MORC1: variants seen among roughly 807,000 people sequenced by gnomAD.
MORC1 encodes MORC family CW-type zinc finger 1.
A neutral mutation model predicts 134.9 loss-of-function variants in MORC1; 59 were observed. That is an observed-to-expected ratio of 0.44 (90% CI 0.35 to 0.54). The LOEUF (loss-of-function observed/expected upper bound fraction) is 0.54. Ranked by LOEUF, MORC1 falls within the 20% of genes least tolerant of loss-of-function variation. MORC1 has a pLI of 0.00. For missense variants in MORC1, 947 were observed against 1,134.5 expected, an observed-to-expected ratio of 0.83 and a Z score of 2.37; for synonymous variants, 395 against 391.7, an observed-to-expected ratio of 1.01 and a Z score of -0.10.
intron 8 of MORC1, among the ~76,000 whole-genome samples, chr3:109,072,291 T>A (rs551980196): frequency 2.6e-5 from 4 of 152,174 alleles, no homozygotes; most frequent in Non-Finnish European, 4.4e-5. Flanking sequence ...AAGGCTGGCA[T>A]ATTCAGTTCT....
At chr3:108,987,619 A>C (rs1288031433) in intron 21 of MORC1, among the ~76,000 whole-genome samples, 1 of 151,792 alleles carries the variant, frequency 6.6e-6, no homozygotes, top group African/African-American at 2.4e-5. Flanking sequence ...TGCGATTGGG[A>C]GGCTGAGAGG....
chr3:109,058,254 C>G (rs1208474120), intron 12 of MORC1, among the ~76,000 whole-genome samples: 1 of 152,116 alleles, frequency 6.6e-6, no homozygotes, highest in Non-Finnish European at 1.5e-5. Context: ...GATGGTGCCT[C>G]TTAAACTTTC....
intron 16 of MORC1, among the ~76,000 whole-genome samples, chr3:109,029,754 C>A (rs1036226329): frequency 6.6e-6 from 1 of 152,166 alleles, no homozygotes; most frequent in African/African-American, 2.4e-5. Flanking sequence ...CTGAATACTA[C>A]CATTTGTAAG....
At chr3:109,020,764 C>CAAAAAAAAAAAAAAAAAAA (rs66700715) in intron 17 of MORC1, among the ~76,000 whole-genome samples, 1 of 78,434 alleles carries the variant, frequency 1.3e-5, no homozygotes. Flanking sequence ...GACTCTGTCT[C>CAAAAAAAAAAAAAAAAAAA]AAAAAAAAAA....
At chr3:109,007,791 CAT>C (rs1453141505) in intron 17 of MORC1, among the ~76,000 whole-genome samples, 1 of 152,326 alleles carries the variant, frequency 6.6e-6, no homozygotes. Flanking sequence ...TATGACAACA[CAT>C]GTTTAGAAGT....
chr3:109,066,302 C>A (rs1345428712), intron 9 of MORC1, among the ~76,000 whole-genome samples: 1 of 136,248 alleles, frequency 7.3e-6, no homozygotes, highest in Non-Finnish European at 1.6e-5. Context: ...TTTTTTTTTT[C>A]TGAGACAGAG....
At chr3:109,056,005 G>A (rs1201963480) in intron 13 of MORC1, among the ~76,000 whole-genome samples, 2 of 152,134 alleles carry the variant, frequency 1.3e-5, no homozygotes, top group East Asian at 3.9e-4. Flanking sequence ...AAGAAAATCT[G>A]AGAACAGAAG....
intron 9 of MORC1, among the ~76,000 whole-genome samples, chr3:109,068,408 C>T (rs1950246616): frequency 6.6e-6 from 1 of 152,172 alleles, no homozygotes. Flanking sequence ...ATTCTTATGC[C>T]TTTGCATTCT....
Position 109,035,512 on chromosome 3 carries a change from T to A in MORC1, c.1331-44A>T, listed in dbSNP as rs763991337. 4.7e-6 allele frequency: 6 copies of A among 1,281,674 alleles called. 1 individual carries two copies. The South Asian group carries it at 5.7e-5, about 12-fold the overall frequency. The allele number at this position is 1,281,674 out of a possible 1,614,324, so 79.4% of individuals were successfully genotyped here. ...GGCAAAGAATAACAAAAAAAAATCA[T>A]TAAAATCAAAACAATTGGCAAAGGG... is the stretch of plus-strand genomic sequence containing the variant. On this transcript the variant is annotated intron_variant, in intron 14 of 27. Transcript: ENST00000232603.
chr3:109,043,197 G>T (rs1476668620), intron 14 of MORC1, among the ~76,000 whole-genome samples: 2 of 123,974 alleles, frequency 1.6e-5, no homozygotes, highest in East Asian at 2.5e-4. Context: ...GTGGGGGGGG[G>T]GGGGTGTGTA....
At chr3:109,036,416 G>A (rs1272927890) in intron 14 of MORC1, among the ~76,000 whole-genome samples, 1 of 152,100 alleles carries the variant, frequency 6.6e-6, no homozygotes, top group Non-Finnish European at 1.5e-5. Context: ...CTTTAGAGCA[G>A]AAAGAGAGGT....
At chr3:108,987,769 TGA>T (rs144937298) in intron 21 of MORC1, among the ~76,000 whole-genome samples, 13 of 149,442 alleles carry the variant, frequency 8.7e-5, no homozygotes, top group Non-Finnish European at 8.9e-5. Context: ...ATACCTTAGA[TGA>T]GAGAGAGAGA....
intron 6 of MORC1, among the ~76,000 whole-genome samples, chr3:109,098,188 G>T (rs190118686): frequency 4.6e-5 from 7 of 152,174 alleles, no homozygotes. Flanking sequence ...TGGGACTACA[G>T]ATGCACTCCA....
At chr3:109,060,367 T>C (rs914575332) in intron 11 of MORC1, among the ~76,000 whole-genome samples, 2 of 151,974 alleles carry the variant, frequency 1.3e-5, no homozygotes, top group Non-Finnish European at 2.9e-5. Context: ...TTTCCCTTTA[T>C]AGGATACCCC....
At chr3:109,104,468 G>C (rs571059002) in intron 3 of MORC1, among the ~76,000 whole-genome samples, 288 of 152,206 alleles carry the variant, frequency 1.9e-3, no homozygotes, top group African/African-American at 6.6e-3. Context: ...TAAGTTATTT[G>C]AAATCAATTT....
In MORC1 at chr3:109,095,074, T is replaced by TAA; in HGVS notation, c.424-8_424-7dup. ...GAGGGCATTGGAACTACAACCTATT[T>TAA]AAAAAAAAACACATCAATTTACTAT... On this transcript the variant is annotated splice_region_variant and splice_polypyrimidine_tract_variant and intron_variant, in intron 6 of 27. Coordinates refer to ENST00000232603, the MANE Select transcript of MORC1 (RefSeq NM_014429.4). 4 of 1,547,128 alleles carry TAA rather than the reference T, an allele frequency of 2.6e-6. No individual in the cohort carries two copies. Among genetic ancestry groups the TAA allele is most frequent in the Non-Finnish European group, 2.6e-6 (3 of 1,152,800 alleles).
chr3:109,037,811 A>C (rs1486359074), intron 14 of MORC1, among the ~76,000 whole-genome samples: 1 of 152,182 alleles, frequency 6.6e-6, no homozygotes, highest in African/African-American at 2.4e-5. Flanking sequence ...CATGGTGTAT[A>C]TGCGCCACAT....
chr3:108,980,009 C>T (rs1947669445), intron 23 of MORC1, among the ~76,000 whole-genome samples: 1 of 151,888 alleles, frequency 6.6e-6, no homozygotes, highest in South Asian at 2.1e-4. Context: ...TTTTGTAAGC[C>T]TCATGGTAAC....
Position 109,059,834 on chromosome 3 carries a change from T to C in MORC1, c.1003A>G (p.Lys335Glu). The C allele has an allele frequency of 6.2e-7, 1 of 1,612,746 alleles. No homozygotes were observed. Among genetic ancestry groups the C allele is most frequent in the Non-Finnish European group, 8.5e-7 (1 of 1,179,324 alleles). ...TGTTTCTCTTTAAGATTCTTTTGCT[T>C]TGCTTCTACATCTTCCAAAGCTCTC... ...LQRALEDVEA[K>E]QKNLKEKQRE... Residue 335 changes from lysine (K) to glutamate (E), a missense_variant, in exon 12 of 28, where the codon AAG (lysine) becomes GAG (glutamate). By Grantham distance (56) the Lys-to-Glu change is moderately conservative (BLOSUM62 1). Around this residue, in one of 3 missense-constraint regions of MORC1, gnomAD observed 722 missense variants for 817.0 expected, o/e 0.88. Transcript: ENST00000232603.
Sources: allele counts gnomAD v4.1 joint callset (sites outside exome capture counted in the v4.1 genomes callset), GRCh38; gene constraint gnomAD v4.1.1; regional missense constraint gnomAD v4.1.1; transcripts MANE v1.5; gene names NCBI Gene and HGNC (gene_info 2026-07-23, HGNC 2026-07-21).